The following SEPTIN2 variants were observed in gnomAD, a reference collection of about 807,000 sequenced individuals.
SEPTIN2 encodes septin 2.
A neutral mutation model predicts 46.5 loss-of-function variants in SEPTIN2; 34 were observed. That is an observed-to-expected ratio of 0.73 (90% CI 0.56 to 0.97). The LOEUF (loss-of-function observed/expected upper bound fraction) is 0.97. Ranked by LOEUF, SEPTIN2 falls within the 50% of genes least tolerant of loss-of-function variation. The pLI is 0.00. For synonymous variants in SEPTIN2, 175 were observed against 153.4 expected, an observed-to-expected ratio of 1.14 and a Z score of -1.04; for missense variants, 347 against 448.4, an observed-to-expected ratio of 0.77 and a Z score of 2.04.
chr2:241,326,814 C>T (rs930923261), intron 3 of SEPTIN2, among the ~76,000 whole-genome samples: 4 of 152,212 alleles, frequency 2.6e-5, no homozygotes, highest in Non-Finnish European at 5.9e-5. Context: ...CCAGGCCAGG[C>T]ATGGCGGCTC....
intron 2 of SEPTIN2, chr2:241,324,576 G>A (rs1164954871): frequency 2.6e-5 from 10 of 391,894 alleles, no homozygotes; most frequent in Admixed American, 2.4e-4. Context: ...TAGTAAATTC[G>A]GGGTTTCACC....
Position 241,348,168 on chromosome 2 carries a change from A to G in SEPTIN2, c.961A>G (p.Ile321Val). 6.2e-7 allele frequency: 1 copy of G among 1,613,260 alleles called. No individual in the cohort carries two copies. Among genetic ancestry groups the G allele is most frequent in the Non-Finnish European group, 8.5e-7 (1 of 1,179,590 alleles). The change falls in exon 11 of 13, where the codon ATC becomes GTC. Residue 321 changes from isoleucine to valine, a missense_variant. Transcript: ENST00000391971. ...GAATGAGGACATGAATAAAGACCAG[A>G]TCTTGCTGGAAAAAGAAGCTGAGGT... ...VENEDMNKDQ[I>V]LLEKEAELRR...
intron 1 of SEPTIN2, chr2:241,316,372 G>A: frequency 2.3e-6 from 2 of 857,566 alleles, no homozygotes; most frequent in Middle Eastern, 2.3e-4. Flanking sequence ...CAAACACTTA[G>A]AGCTTGTGTG....
At chr2:241,323,692 TAC>T (rs1399251627) in intron 1 of SEPTIN2, among the ~76,000 whole-genome samples, 1 of 152,214 alleles carries the variant, frequency 6.6e-6, no homozygotes, top group Non-Finnish European at 1.5e-5. Flanking sequence ...TTCATTTAAG[TAC>T]AGAGTGTAAG....
At chr2:241,344,227 G>T (rs2081660340) in intron 9 of SEPTIN2, among the ~76,000 whole-genome samples, 1 of 152,152 alleles carries the variant, frequency 6.6e-6, no homozygotes, top group African/African-American at 2.4e-5. Context: ...GGTCCCCAGT[G>T]CTGGTAAGGA....
At chr2:241,334,850 T>TA in intron 3 of SEPTIN2, among the ~76,000 whole-genome samples, 1 of 152,342 alleles carries the variant, frequency 6.6e-6, no homozygotes, top group African/African-American at 2.4e-5. Flanking sequence ...TGTGAACAGT[T>TA]ATGTTTCTAA....
chr2:241,338,702 T>TTTATATTATTTATATAATATATATA (rs2080528946), intron 7 of SEPTIN2, among the ~76,000 whole-genome samples: 1 of 107,046 alleles, frequency 9.3e-6, no homozygotes, highest in Non-Finnish European at 1.8e-5. Context: ...ATATATTATA[T>TTTATATTATTTATATAATATATATA]TTATATTATT....
intron 1 of SEPTIN2, chr2:241,317,534 TA>T (rs140278644): frequency 2.0e-6 from 2 of 979,766 alleles, no homozygotes; most frequent in Non-Finnish European, 2.4e-6. Context: ...AAGTTGTGGG[TA>T]TTTTTTTTTT....
intron 3 of SEPTIN2, among the ~76,000 whole-genome samples, chr2:241,333,569 G>T (rs2079386012): frequency 6.6e-6 from 1 of 152,156 alleles, no homozygotes; most frequent in Non-Finnish European, 1.5e-5. Context: ...GAGTGCAGTG[G>T]TGCGATCTCG....
At position 241,324,544 on chromosome 2, in the gene SEPTIN2, C is replaced by T. The variant is rs752568262; in HGVS notation, c.9+303C>T. Reference sequence around the variant, plus strand: ...CTGGGACTGCAGACACGTGCCACCACGCTGGCTAATTTTTTGGATTTTAGT... The same window carrying T: ...CTGGGACTGCAGACACGTGCCACCATGCTGGCTAATTTTTTGGATTTTAGT... On this transcript the variant is annotated intron_variant, in intron 2 of 12. Transcript: ENST00000391971. 6.8e-5 allele frequency: 29 copies of T among 426,546 alleles called. 1 individual carries two copies. Among genetic ancestry groups the T allele is most frequent in the South Asian group, 4.7e-4 (25 of 53,588 alleles). The allele number at this position is 426,546 out of a possible 1,614,324, so 26.4% of individuals were successfully genotyped here.
rs760682260 is a variant in SEPTIN2, at chr2:241,350,136, G to A, written c.1048G>A (p.Gly350Arg). The A allele has an allele frequency of 1.4e-5, 23 of 1,613,876 alleles. No individual in the cohort carries two copies. The highest frequency in any genetic ancestry group is 1.2e-4 in the Admixed American group (7 of 59,970). ...QAQMQMQMQG[G>R]DGDGGALGHH... ...GCAGATGCAGATGCAGATGCAGGGC[G>A]GGGATGGCGATGGCGGGGCTCTCGG... is the stretch of plus-strand genomic sequence containing the variant. The change falls in exon 12 of 13, where the codon GGG becomes AGG. Residue 350 changes from glycine to arginine, a missense_variant. By Grantham distance (125) the Gly-to-Arg change is moderately radical (BLOSUM62 -2). Transcript: ENST00000391971.
chr2:241,345,837 G>C (rs181888094), intron 9 of SEPTIN2, among the ~76,000 whole-genome samples: 2 of 152,110 alleles, frequency 1.3e-5, no homozygotes, highest in African/African-American at 2.4e-5. Flanking sequence ...AGACATTGTT[G>C]ACCTGAAAAT....
intron 3 of SEPTIN2, among the ~76,000 whole-genome samples, chr2:241,334,781 T>A (rs1204783870): frequency 6.6e-6 from 1 of 152,242 alleles, no homozygotes; most frequent in East Asian, 1.9e-4. Context: ...ATTGAAAACC[T>A]GCTTTGCATT....
In SEPTIN2 at chr2:241,350,194, G is replaced by A. The variant is rs770956384; in HGVS notation, c.*20G>A. On this transcript the variant is annotated 3_prime_UTR_variant, in exon 12 of 13. Transcript: ENST00000391971. ...GTGTAAGGTGATGTGCACATATCAA[G>A]AAGTCAGAGGTAGGCCCTGTTGTCC... 3.2e-6 allele frequency: 5 copies of A among 1,585,326 alleles called. No individual in the cohort carries two copies. The highest frequency in any genetic ancestry group is 1.4e-5 in the African/African-American group (1 of 73,978).
intron 7 of SEPTIN2, among the ~76,000 whole-genome samples, chr2:241,339,557 A>G (rs1384936578): frequency 6.6e-6 from 1 of 152,060 alleles, no homozygotes; most frequent in Non-Finnish European, 1.5e-5. Flanking sequence ...ACTGTATCCT[A>G]ATTCTTCCTG....
chr2:241,335,028 A>T, intron 3 of SEPTIN2, 98 bp from the exon 4 acceptor site: 1 of 727,966 alleles, frequency 1.4e-6, no homozygotes, highest in South Asian at 1.6e-5. Flanking sequence ...GATGTTTGTG[A>T]GGTACTTAGC....
In SEPTIN2 at chr2:241,317,591, A is replaced by G. The variant is rs112833919; in HGVS notation, c.-18+1609A>G. 9.3e-4 allele frequency: 911 copies of G among 982,828 alleles called. 1 individual carries two copies. Among genetic ancestry groups the G allele is most frequent in the Non-Finnish European group, 1.0e-3 (869 of 828,798 alleles). 60.9% of individuals were successfully genotyped at this position (982,828 alleles called of 1,614,324 possible). A position where few individuals can be genotyped will look rare whatever the true frequency, so the allele number is the denominator to read the frequency against. On this transcript the variant is annotated intron_variant, in intron 1 of 12. Transcript: ENST00000391971. The stretch of plus-strand genomic sequence containing the variant: ...GGGACACCAAAACTCATTTGGCAGC[A>G]GAGGTGAGGTAAGGCCATTTGTATT...
intron 8 of SEPTIN2, among the ~76,000 whole-genome samples, chr2:241,343,439 C>T (rs2081522822): frequency 6.6e-6 from 1 of 151,656 alleles, no homozygotes; most frequent in Admixed American, 6.6e-5. Context: ...GCAGAGGTTG[C>T]AGTGAGCCGA....
intron 3 of SEPTIN2, among the ~76,000 whole-genome samples, chr2:241,326,515 C>A (rs58937883): frequency 0.067 from 4,068 of 60,768 alleles, 265 homozygotes; most frequent in East Asian, 0.19. Flanking sequence ...CCCCACCTTG[C>A]CTCTTCTCAA....
Sources: gnomAD v4.1 joint callset for allele counts (sites outside exome capture counted in the v4.1 genomes callset) on GRCh38, gnomAD v4.1.1 for gene constraint, MANE v1.5 for transcripts, NCBI Gene and HGNC (gene_info 2026-07-23, HGNC 2026-07-21) for gene names.